The following RREB1 variants were observed in gnomAD, a reference collection of about 807,000 sequenced individuals.
The protein encoded by RREB1 is ras-responsive element-binding protein 1.
A neutral mutation model predicts 117.8 loss-of-function variants in RREB1; 27 were observed. The ratio of observed to expected loss-of-function variants is 0.23; its 90% CI spans 0.17 to 0.32. The LOEUF (loss-of-function observed/expected upper bound fraction) is 0.32, where lower values mean the gene tolerates loss of function less well. RREB1 is among the 10% of genes least tolerant of loss of function. The probability of loss-of-function intolerance (pLI) is 1.00; values close to 1 mark genes in which losing one functional copy is unlikely to be tolerated. For synonymous variants in RREB1, 1,298 were observed against 1,026.7 expected (o/e 1.26, Z -5.05); for missense variants, 2,577 against 2,378.2 (o/e 1.08, Z -1.74).
At chr6:7,109,122 T>C (rs886802395) in intron 1 of RREB1, among the ~76,000 whole-genome samples, 4 of 151,582 alleles carry the variant, frequency 2.6e-5, no homozygotes, top group Admixed American at 6.5e-5. Flanking sequence ...GCCGCCCAGC[T>C]GTGGAGCGCG....
rs1197593718 is a variant in RREB1 at position 7,246,952 on chromosome 6, C to A, written c.4502C>A (p.Pro1501His). ...QPAPEQEEKP[P>H]ETPAEVVESA... ...GCCCCTGAACAGGAGGAGAAGCCCC[C>A]CGAGACCCCGGCAGAGGTGGTGGAG... is the stretch of plus-strand genomic sequence containing the variant. The change falls in exon 12 of 13, where the codon CCC (proline) becomes CAC (histidine). Residue 1501 changes from proline to histidine, a missense_variant. Pro to His is a moderately conservative substitution (Grantham distance 77). Coordinates refer to ENST00000379938, the MANE Select transcript of RREB1 (RefSeq NM_001003699.4). 6.4e-7 allele frequency: 1 copy of A among 1,562,858 alleles called. No individual in the cohort carries two copies. Among genetic ancestry groups the A allele is most frequent in the East Asian group, 2.4e-5 (1 of 41,638 alleles).
rs1158198388 is a variant in RREB1 at position 7,247,033 on chromosome 6, G to C, written c.4583G>C (p.Gly1528Ala). The C allele has an allele frequency of 6.2e-7, 1 of 1,612,234 alleles. No homozygotes were observed. The highest frequency in any genetic ancestry group is 1.3e-5 in the African/African-American group (1 of 74,992). The change falls in exon 12 of 13, where the codon GGC becomes GCC. Residue 1528 changes from glycine (G) to alanine (A), a missense_variant. Transcript: ENST00000379938. ...GAAAAGCTCGCGGAGGAGACGGAGGGCCCCTCCGACGGGGAGAGCGCGGCC... is the reference window on the plus strand; with the variant it reads ...GAAAAGCTCGCGGAGGAGACGGAGGCCCCCTCCGACGGGGAGAGCGCGGCC... ...PAEKLAEETE[G>A]PSDGESAAEK...
intron 6 of RREB1, among the ~76,000 whole-genome samples, chr6:7,204,561 G>A (rs773296752): frequency 2.6e-5 from 4 of 152,132 alleles, no homozygotes; most frequent in Non-Finnish European, 5.9e-5. Context: ...CACCAGGTAC[G>A]GATGGGGATG....
At chr6:7,177,218 CAAAAAAAAA>C (rs552706086) in intron 2 of RREB1, among the ~76,000 whole-genome samples, 11 of 34,938 alleles carry the variant, frequency 3.1e-4, no homozygotes, top group South Asian at 1.8e-3. Context: ...GACTGTCTCA[CAAAAAAAAA>C]AAAAAAAAAA....
intron 6 of RREB1, among the ~76,000 whole-genome samples, chr6:7,190,053 A>G (rs1765321319): frequency 6.6e-6 from 1 of 152,236 alleles, no homozygotes; most frequent in Non-Finnish European, 1.5e-5. Context: ...AAAACTTTAT[A>G]TAACTACTAT....
chr6:7,193,100 T>A lies in RREB1; in HGVS notation c.425+3778T>A, dbSNP rs532140015. On this transcript the variant is annotated intron_variant, in intron 6 of 12. Coordinates refer to ENST00000379938, the MANE Select transcript of RREB1 (RefSeq NM_001003699.4). ...ACAAATTTGTGACTTCTCAAATTTCTTATTAATTTCTAGTTTCATTCCATT... is the reference window on the plus strand; with the variant it reads ...ACAAATTTGTGACTTCTCAAATTTCATATTAATTTCTAGTTTCATTCCATT... Among the ~76,000 whole-genome samples the A allele has an allele frequency of 1.9e-3, 295 of 152,388 alleles. 3 individuals carry two copies. The South Asian group carries it at 0.029, about 15-fold the overall frequency.
At chr6:7,154,934 G>A (rs949254364) in intron 1 of RREB1, among the ~76,000 whole-genome samples, 1 of 152,154 alleles carries the variant, frequency 6.6e-6, no homozygotes, top group African/African-American at 2.4e-5. Flanking sequence ...GTTTACGTGT[G>A]GGGGGTGCTG....
At position 7,246,718 on chromosome 6, in the gene RREB1, A is replaced by C; in HGVS notation, c.4268A>C (p.Lys1423Thr). ...AGCCTGGACCTGGACTTCGCCACCA[A>C]GCTCATGGACTTCAAGCTGGCGGAG... is the stretch of plus-strand genomic sequence containing the variant. The part of the protein sequence containing the change: ...NQSLDLDFAT[K>T]LMDFKLAEGD... The change falls in exon 12 of 13, where the codon AAG (lysine) becomes ACG (threonine). Residue 1423 changes from lysine (K) to threonine (T), a missense_variant. Coordinates refer to ENST00000379938, the MANE Select transcript of RREB1 (RefSeq NM_001003699.4). The C allele has an allele frequency of 6.3e-7, 1 of 1,584,182 alleles. No homozygotes were observed. Among genetic ancestry groups the C allele is most frequent in the Non-Finnish European group, 8.6e-7 (1 of 1,165,764 alleles).
In RREB1 at chr6:7,234,388, C is replaced by A. The variant is rs939887471; in HGVS notation, c.3808+2481C>A. 2.6e-5 allele frequency among the ~76,000 whole-genome samples: 4 copies of A among 152,154 alleles called. No individual in the cohort carries two copies. The East Asian group carries it at 5.8e-4, about 22-fold the overall frequency. On this transcript the variant is annotated intron_variant, in intron 10 of 12. Transcript: ENST00000379938. ...TGCTCCCACCTCCCCCTGCTGTCACCCAACCTCCCCATCTTCCTCTTCTAG... is the reference window on the plus strand; with the variant it reads ...TGCTCCCACCTCCCCCTGCTGTCACACAACCTCCCCATCTTCCTCTTCTAG...
At chr6:7,169,827 C>T (rs114815778) in intron 1 of RREB1, among the ~76,000 whole-genome samples, 59 of 152,306 alleles carry the variant, frequency 3.9e-4, no homozygotes, top group Admixed American at 8.5e-4. Context: ...ATGGTTTTAT[C>T]TGGCATTGTC....
rs558763967 is a variant in RREB1 at position 7,245,691 on chromosome 6, A to C, written c.3974-733A>C. On this transcript the variant is annotated intron_variant, in intron 11 of 12. Transcript: ENST00000379938. Reference sequence around the variant, plus strand: ...GGTAGGTGAGATGCCTGGAACCCAGAACCCCTTGTCTTCACAGGCACCCAC... The same window carrying C: ...GGTAGGTGAGATGCCTGGAACCCAGCACCCCTTGTCTTCACAGGCACCCAC... 6.0e-4 allele frequency among the ~76,000 whole-genome samples: 92 copies of C among 152,294 alleles called. 2 individuals carry two copies. In the South Asian group the frequency reaches 0.017, roughly 29 times the overall value.
At chr6:7,176,098 A>G (rs1419771709) in intron 1 of RREB1, among the ~76,000 whole-genome samples, 1 of 151,956 alleles carries the variant, frequency 6.6e-6, no homozygotes, top group Non-Finnish European at 1.5e-5. Context: ...TGTGTTTTTT[A>G]TAGAGACAGG....
intron 8 of RREB1, among the ~76,000 whole-genome samples, chr6:7,225,401 T>C (rs1767524307): frequency 6.6e-6 from 1 of 152,186 alleles, no homozygotes; most frequent in Non-Finnish European, 1.5e-5. Flanking sequence ...ACATGTGGCT[T>C]TGGTGGCTAC....
chr6:7,224,945 A>T (rs1388290899), intron 8 of RREB1, among the ~76,000 whole-genome samples: 1 of 151,908 alleles, frequency 6.6e-6, no homozygotes, highest in African/African-American at 2.4e-5. Context: ...TGAACAGGGG[A>T]GCCAGGGGAG....
Position 7,231,828 on chromosome 6 carries a change from G to C in RREB1, c.3729G>C (p.Leu1243=), listed in dbSNP as rs749050776. ...RAKRNSYTNC[L]QKITCPHCPR... ...AGCGGAACTCGTACACCAACTGCCT[G>C]CAGAAGATCACCTGTCCCCACTGTC... is the stretch of plus-strand genomic sequence containing the variant. The change falls in exon 10 of 13, where the codon CTG becomes CTC. Residue 1243 remains leucine, a synonymous_variant. Transcript: ENST00000379938. The C allele has an allele frequency of 6.2e-7, 1 of 1,613,620 alleles. No individual in the cohort carries two copies. The highest frequency in any genetic ancestry group is 1.3e-5 in the African/African-American group (1 of 74,946).
At chr6:7,234,498 G>A (rs1032178898) in intron 10 of RREB1, among the ~76,000 whole-genome samples, 1 of 152,204 alleles carries the variant, frequency 6.6e-6, no homozygotes, top group Non-Finnish European at 1.5e-5. Context: ...TGATTGCCTG[G>A]CTTTTGAATG....
In RREB1 at chr6:7,229,751, A is replaced by G. The variant is rs1045157098; in HGVS notation, c.1652A>G (p.Lys551Arg). The G allele has an allele frequency of 1.1e-5, 18 of 1,604,112 alleles. No homozygotes were observed. The highest frequency in any genetic ancestry group is 2.2e-5 in the South Asian group (2 of 90,532). Residue 551 changes from lysine to arginine, a missense_variant, in exon 10 of 13, where the codon AAA (lysine) becomes AGA (arginine). By Grantham distance (26) the Lys-to-Arg change is conservative. Coordinates refer to ENST00000379938, the MANE Select transcript of RREB1 (RefSeq NM_001003699.4). The surrounding 1 kb of genome is among the most constrained non-coding windows in gnomAD (Gnocchi z 4.5). ...CCGCCACCGCCCCTGAAGCTCCTCA[A>G]AGGCTCAGTGGAGGCGGCCTCCAAC... is the stretch of plus-strand genomic sequence containing the variant. ...SLPPPPLKLL[K>R]GSVEAASNAH... is the part of the protein sequence containing the mutation.
chr6:7,185,968 A>G (rs566054649), intron 4 of RREB1, among the ~76,000 whole-genome samples: 33 of 152,318 alleles, frequency 2.2e-4, no homozygotes, highest in African/African-American at 6.0e-4. Flanking sequence ...ATGCTTGTCT[A>G]TTAGTGGTTG....
intron 1 of RREB1, among the ~76,000 whole-genome samples, chr6:7,146,928 G>C (rs189723946): frequency 3.9e-5 from 6 of 152,290 alleles, no homozygotes; most frequent in African/African-American, 1.4e-4. Context: ...ACAATTCTCT[G>C]TGTGCATCTG....
Sources: gnomAD v4.1 joint callset for allele counts (sites outside exome capture counted in the v4.1 genomes callset) on GRCh38, gnomAD v4.1.1 for gene constraint, Gnocchi (gnomAD v3.1) non-coding constraint, MANE v1.5 for transcripts, NCBI Gene and HGNC (gene_info 2026-07-23, HGNC 2026-07-21) for gene names.